DGCR2: variants seen among roughly 807,000 people sequenced by gnomAD.
DGCR2 encodes the protein integral membrane protein DGCR2/IDD.
DGCR2 carries 24 observed loss-of-function variants against 51.6 expected under a neutral mutation model. That is an observed-to-expected ratio of 0.47 (90% CI 0.34 to 0.65). The LOEUF (loss-of-function observed/expected upper bound fraction) is 0.65. DGCR2 is among the 30% of genes least tolerant of loss of function. DGCR2 has a pLI of 0.01. For synonymous variants in DGCR2, 340 were observed against 315.4 expected (o/e 1.08, Z -0.82); for missense variants, 765 against 772.1 (o/e 0.99, Z 0.11).
chr22:19,063,099 C>A (rs2082703490), intron 5 of DGCR2, 103 bp downstream of exon 5: 3 of 1,115,558 alleles, frequency 2.7e-6, no homozygotes, highest in Non-Finnish European at 4.0e-6. Flanking sequence ...CTGCACAGCA[C>A]CCCTACGGGC....
At chr22:19,081,332 C>A (rs1177251539) in intron 2 of DGCR2, among the ~76,000 whole-genome samples, 1 of 152,100 alleles carries the variant, frequency 6.6e-6, no homozygotes, top group South Asian at 2.1e-4. Context: ...TTATTTTTTT[C>A]TTTTAGTTTA....
At chr22:19,097,743 CCCATCTGGCCACTCCATGAGTG>C (rs2146027811) in intron 1 of DGCR2, among the ~76,000 whole-genome samples, 1 of 152,294 alleles carries the variant, frequency 6.6e-6, no homozygotes, top group African/African-American at 2.4e-5. Flanking sequence ...TTGAGAAGTG[CCCATCTGGCCACTCCATGAGTG>C]CCACCTGCCC....
At chr22:19,121,943 G>A (rs1182721076) in intron 1 of DGCR2, 185 bp downstream of exon 1, 1 of 297,938 alleles carries the variant, frequency 3.4e-6, no homozygotes, top group East Asian at 6.2e-5. Flanking sequence ...CCGAGGCGCC[G>A]CGAGCCCAGG....
Position 19,036,355 on chromosome 22 carries a change from C to T in DGCR2, c.*2510G>A, listed in dbSNP as rs1184204729. 6.6e-6 allele frequency: 1 copy of T among 152,494 alleles called. No individual in the cohort carries two copies. The highest frequency in any genetic ancestry group is 2.4e-5 in the African/African-American group (1 of 41,438). The allele number at this position is 152,494 out of a possible 1,614,324, so 9.4% of individuals were successfully genotyped here. On this transcript the variant is annotated 3_prime_UTR_variant, in exon 10 of 10. Coordinates refer to ENST00000263196, the MANE Select transcript of DGCR2 (RefSeq NM_005137.3). ...ACAGCATCTTAAGAAAAGTTAGTGT[C>T]AACCCAACCAAAAACTAAAAACCCT... is the stretch of plus-strand genomic sequence containing the variant.
In DGCR2 at chr22:19,043,134, T is replaced by C. The variant is rs370065767; in HGVS notation, c.1007-1175A>G. 1.4e-4 allele frequency among the ~76,000 whole-genome samples: 22 copies of C among 152,378 alleles called. No homozygotes were observed. In the East Asian group the frequency reaches 1.9e-3, roughly 13 times the overall value. ...GCTTGAAGCTGAGTCCCAGCCAGGCTAGACGCCAAGGAGCACTGAGTCTAA... is the reference window on the plus strand; with the variant it reads ...GCTTGAAGCTGAGTCCCAGCCAGGCCAGACGCCAAGGAGCACTGAGTCTAA... On this transcript the variant is annotated intron_variant, in intron 7 of 9. Coordinates refer to ENST00000263196, the MANE Select transcript of DGCR2 (RefSeq NM_005137.3).
chr22:19,049,325 G>A (rs1181783970), intron 6 of DGCR2, among the ~76,000 whole-genome samples: 1 of 152,094 alleles, frequency 6.6e-6, no homozygotes, highest in African/African-American at 2.4e-5. Context: ...GAATGGCCAT[G>A]GCTAAAAACC....
rs1262702568 is a variant in DGCR2, at chr22:19,056,413, A to G, written c.802+573T>C. The G allele has an allele frequency of 9.2e-5, 44 of 479,860 alleles. 1 individual carries two copies. The South Asian group carries it at 1.0e-3, about 11-fold the overall frequency. The allele number at this position is 479,860 out of a possible 1,614,324, so 29.7% of individuals were successfully genotyped here. ...TCCGCAAGAACAAAGCCTCTCCCCA[A>G]CCTGCGCACAGCTGCCATCCCAGAG... On this transcript the variant is annotated intron_variant, in intron 6 of 9. Coordinates refer to ENST00000263196, the MANE Select transcript of DGCR2 (RefSeq NM_005137.3).
chr22:19,066,759 A>C (rs907744178), intron 3 of DGCR2, among the ~76,000 whole-genome samples: 1 of 152,164 alleles, frequency 6.6e-6, no homozygotes, highest in Non-Finnish European at 1.5e-5. Flanking sequence ...CATCTTCTTT[A>C]TGTTCTGAAC....
intron 5 of DGCR2, chr22:19,060,971 C>A: frequency 2.4e-6 from 1 of 408,370 alleles, no homozygotes; most frequent in Non-Finnish European, 5.0e-6. Flanking sequence ...ACATATTATA[C>A]AACACAGAAA....
chr22:19,104,820 G>A (rs1339441524), intron 1 of DGCR2, among the ~76,000 whole-genome samples: 1 of 152,250 alleles, frequency 6.6e-6, no homozygotes, highest in Non-Finnish European at 1.5e-5. Context: ...CTTTCCCACA[G>A]GTCATTTCAC....
intron 6 of DGCR2, among the ~76,000 whole-genome samples, chr22:19,054,110 C>A (rs1177769455): frequency 1.3e-5 from 2 of 152,162 alleles, no homozygotes; most frequent in Non-Finnish European, 2.9e-5. Flanking sequence ...ACTGATAAAA[C>A]TGGAATAATG....
rs116920784 is a variant in DGCR2 at position 19,117,062 on chromosome 22, T to C, written c.79+5066A>G. ...GCACAGCTAGATCACCTGCCCTTACTGCTAAGAGGACACACACAGATCACT... is the reference window on the plus strand; with the variant it reads ...GCACAGCTAGATCACCTGCCCTTACCGCTAAGAGGACACACACAGATCACT... On this transcript the variant is annotated intron_variant, in intron 1 of 9. Coordinates refer to ENST00000263196, the MANE Select transcript of DGCR2 (RefSeq NM_005137.3). 2.2e-4 allele frequency among the ~76,000 whole-genome samples: 34 copies of C among 152,196 alleles called. No homozygotes were observed. In the East Asian group the frequency reaches 6.4e-3, roughly 29 times the overall value.
chr22:19,102,670 C>A (rs748516311), intron 1 of DGCR2, among the ~76,000 whole-genome samples: 4 of 151,268 alleles, frequency 2.6e-5, no homozygotes, highest in Non-Finnish European at 5.9e-5. Context: ...CCACTGTACT[C>A]CAGCCTGGGT....
At position 19,038,690 on chromosome 22, in the gene DGCR2, A is replaced by T; in HGVS notation, c.*175T>A. 1.3e-6 allele frequency: 1 copy of T among 795,268 alleles called. No individual in the cohort carries two copies. The highest frequency in any genetic ancestry group is 2.0e-6 in the Non-Finnish European group (1 of 504,838). 49.3% of individuals were successfully genotyped at this position (795,268 alleles called of 1,614,324 possible). On this transcript the variant is annotated 3_prime_UTR_variant, in exon 10 of 10. Transcript: ENST00000263196. ...TCAAGGAAGCTCGGTGCAGGCCATCACTTCTTTTGGCAGAAGGCGGGCTGT... is the reference window on the plus strand; with the variant it reads ...TCAAGGAAGCTCGGTGCAGGCCATCTCTTCTTTTGGCAGAAGGCGGGCTGT...
chr22:19,080,286 T>C (rs1479166803), intron 2 of DGCR2, among the ~76,000 whole-genome samples: 2 of 152,216 alleles, frequency 1.3e-5, no homozygotes, highest in East Asian at 3.8e-4. Context: ...TGCTGTCTAA[T>C]AGAAACACAA....
chr22:19,115,672 G>C (rs185280046), intron 1 of DGCR2, among the ~76,000 whole-genome samples: 87 of 152,330 alleles, frequency 5.7e-4, no homozygotes, highest in African/African-American at 2.0e-3. Context: ...AGGTGACAGA[G>C]CATGAATGTG....
intron 8 of DGCR2, 85 bp from the exon 9 acceptor site, chr22:19,041,379 T>TGGG: frequency 7.1e-7 from 1 of 1,400,006 alleles, no homozygotes; most frequent in Non-Finnish European, 9.9e-7. Flanking sequence ...ACCCCCAGGC[T>TGGG]GGGCCTGCCG....
chr22:19,063,918 T>C (rs2082717889), intron 4 of DGCR2, among the ~76,000 whole-genome samples: 1 of 152,134 alleles, frequency 6.6e-6, no homozygotes, highest in African/African-American at 2.4e-5. Context: ...GAACTGCATC[T>C]CAATAAAGAC....
chr22:19,094,673 G>A (rs1045494696), intron 1 of DGCR2, among the ~76,000 whole-genome samples: 1 of 152,202 alleles, frequency 6.6e-6, no homozygotes, highest in African/African-American at 2.4e-5. Flanking sequence ...GAAAGCATAT[G>A]TCCACACAAA....
Sources: gnomAD v4.1 joint callset for allele counts (sites outside exome capture counted in the v4.1 genomes callset) on GRCh38, gnomAD v4.1.1 for gene constraint, MANE v1.5 for transcripts, NCBI Gene and HGNC (gene_info 2026-07-23, HGNC 2026-07-21) for gene names.